The following TRIM77 variants were observed in gnomAD, a reference collection of about 807,000 sequenced individuals.
TRIM77 encodes tripartite motif-containing protein 77.
A neutral mutation model predicts 31.8 loss-of-function variants in TRIM77; 23 were observed. That is an observed-to-expected ratio of 0.72 (90% CI 0.52 to 1.02). TRIM77 has a LOEUF of 1.02. Among genes scored for constraint, TRIM77 ranks in the 50% least tolerant of loss-of-function variants. The probability of loss-of-function intolerance (pLI) is 0.00; values close to 1 mark genes in which losing one functional copy is unlikely to be tolerated. For missense variants in TRIM77, 446 were observed against 539.2 expected, an observed-to-expected ratio of 0.83 and a Z score of 1.71; for synonymous variants, 159 against 183.1, an observed-to-expected ratio of 0.87 and a Z score of 1.06.
intron 4 of TRIM77, among the ~76,000 whole-genome samples, chr11:89,715,547 T>C (rs551373401): frequency 1.3e-5 from 2 of 152,278 alleles, no homozygotes; most frequent in Admixed American, 6.5e-5. Context: ...AGGAATGTAG[T>C]ATAGAGCTGA....
At chr11:89,713,495 AATAATAAT>A (rs1949138666) in intron 2 of TRIM77, among the ~76,000 whole-genome samples, 2 of 142,700 alleles carry the variant, frequency 1.4e-5, no homozygotes, top group Admixed American at 1.4e-4. Flanking sequence ...TAATAATAAT[AATAATAAT>A]ATAATTGAGT....
chr11:89,713,503 T>C (rs1344535247), intron 2 of TRIM77, among the ~76,000 whole-genome samples: 1 of 132,236 alleles, frequency 7.6e-6, no homozygotes, highest in Admixed American at 7.9e-5. Context: ...ATAATAATAA[T>C]ATAATTGAGT....
At chr11:89,712,392 C>T (rs906718958) in intron 2 of TRIM77, among the ~76,000 whole-genome samples, 1 of 152,058 alleles carries the variant, frequency 6.6e-6, no homozygotes, top group African/African-American at 2.4e-5. Flanking sequence ...AAATAGATCG[C>T]TTACCCTAGG....
At chr11:89,713,802 G>A (rs1244102697) in intron 2 of TRIM77, among the ~76,000 whole-genome samples, 3 of 152,138 alleles carry the variant, frequency 2.0e-5, no homozygotes, top group Non-Finnish European at 2.9e-5. Flanking sequence ...AATTTAGAAA[G>A]ATGCAGCAAT....
At chr11:89,712,043 CT>C (rs1949126247) in intron 2 of TRIM77, among the ~76,000 whole-genome samples, 1 of 152,116 alleles carries the variant, frequency 6.6e-6, no homozygotes, top group Admixed American at 6.5e-5. Flanking sequence ...TATAAATGTA[CT>C]TATGGCCAGG....
Position 89,711,442 on chromosome 11 carries a change from GA to G in TRIM77, c.453del (p.Lys151AsnfsTer8), listed in dbSNP as rs553410308. On this transcript the variant is annotated frameshift_variant, in exon 2 of 6. Coordinates refer to ENST00000398290, the MANE Select transcript of TRIM77 (RefSeq NM_001146162.1). LOFTEE classifies it high-confidence loss of function. ...KLLIQMKSIW[K>X]KKQKNQRNLN... ...TCCTGATTCAAATGAAGTCCATCTGGAAAAAAAAACAGAAAAATCAAAGAAA... is the reference window on the plus strand; with the variant it reads ...TCCTGATTCAAATGAAGTCCATCTGGAAAAAAAACAGAAAAATCAAAGAAA... 4.5e-5 allele frequency: 64 copies of G among 1,424,642 alleles called. 1 individual carries two copies. The highest frequency in any genetic ancestry group is 1.8e-4 in the Middle Eastern group (1 of 5,580). 88.3% of individuals were successfully genotyped at this position (1,424,642 alleles called of 1,614,324 possible).
chr11:89,714,440 T>A lies in TRIM77; in HGVS notation c.738+18T>A, dbSNP rs1309699816. On this transcript the variant is annotated intron_variant, in intron 3 of 5. Coordinates refer to ENST00000398290, the MANE Select transcript of TRIM77 (RefSeq NM_001146162.1). ...TGCCTCAGGTAAAAACTGAAGGAGATCAGGGTGCTGAACACCACCCTGCTT... is the reference window on the plus strand; with the variant it reads ...TGCCTCAGGTAAAAACTGAAGGAGAACAGGGTGCTGAACACCACCCTGCTT... 3.3e-6 allele frequency: 5 copies of A among 1,521,726 alleles called. No homozygotes were observed. Among genetic ancestry groups the A allele is most frequent in the Non-Finnish European group, 4.5e-6 (5 of 1,122,166 alleles). 94.3% of individuals were successfully genotyped at this position (1,521,726 alleles called of 1,614,324 possible). A position where few individuals can be genotyped will look rare whatever the true frequency, so the allele number is the denominator to read the frequency against.
chr11:89,715,577 G>A (rs2134547174), intron 4 of TRIM77, among the ~76,000 whole-genome samples: 1 of 152,146 alleles, frequency 6.6e-6, no homozygotes. Context: ...TGTAGCAGGT[G>A]GCATGTTCCA....
Position 89,715,026 on chromosome 11 carries a change from C to A in TRIM77, c.739-132C>A, listed in dbSNP as rs1021807806. On this transcript the variant is annotated intron_variant, in intron 3 of 5. Coordinates refer to ENST00000398290, the MANE Select transcript of TRIM77 (RefSeq NM_001146162.1). ...ATAAAGAAAAAGAAAATGAAAAATGCCTTTATCCAAAGAAGGAAAGTGGAA... is the reference window on the plus strand; with the variant it reads ...ATAAAGAAAAAGAAAATGAAAAATGACTTTATCCAAAGAAGGAAAGTGGAA... 7.8e-6 allele frequency: 6 copies of A among 770,116 alleles called. No individual in the cohort carries two copies. The African/African-American group carries it at 8.8e-5, about 11-fold the overall frequency. 47.7% of individuals were successfully genotyped at this position (770,116 alleles called of 1,614,324 possible).
At chr11:89,710,730 G>C in intron 1 of TRIM77, 21 bp downstream of exon 1, 1 of 1,491,996 alleles carries the variant, frequency 6.7e-7, no homozygotes, top group Non-Finnish European at 9.0e-7. Flanking sequence ...GCTACTGATT[G>C]CACTTTGAAA....
chr11:89,717,264 TTTTG>T (rs1334574836), intron 5 of TRIM77, 111 bp from the exon 6 acceptor site: 6 of 1,010,354 alleles, frequency 5.9e-6, no homozygotes, highest in Admixed American at 3.0e-5. Flanking sequence ...AACCAGTTGC[TTTTG>T]TTTGTTTGTT....
chr11:89,713,155 C>T (rs1334096428), intron 2 of TRIM77, among the ~76,000 whole-genome samples: 1 of 151,316 alleles, frequency 6.6e-6, no homozygotes. Flanking sequence ...GCCTGTAGTC[C>T]CAGCTACTTA....
chr11:89,714,144 A>C, intron 2 of TRIM77, 48 bp from the exon 3 acceptor site: 1 of 1,300,316 alleles, frequency 7.7e-7, no homozygotes, highest in Middle Eastern at 1.9e-4. Context: ...ATAAGGAAAG[A>C]ATAAAACCAC....
Position 89,717,678 on chromosome 11 carries a change from T to G in TRIM77, c.1159T>G (p.Phe387Val), listed in dbSNP as rs1216863649. Reference sequence around the variant, plus strand: ...CCTGTGTCTCAAAGTGGATGACCATTTCAGTCTCTTCTCTACCTCCCCACT... The same window carrying G: ...CCTGTGTCTCAAAGTGGATGACCATGTCAGTCTCTTCTCTACCTCCCCACT... ...LLLCLKVDDHFSLFSTSPLLP... is the reference protein window; with the variant it reads ...LLLCLKVDDHVSLFSTSPLLP... The change falls in exon 6 of 6, where the codon TTC becomes GTC. Residue 387 changes from phenylalanine (F) to valine (V), a missense_variant. Physicochemically the swap from Phe to Val is conservative, Grantham distance 50 (BLOSUM62 -1). This residue lies in a region of TRIM77 where 366 missense variants were observed against 447.9 expected (regional missense o/e 0.82). Coordinates refer to ENST00000398290, the MANE Select transcript of TRIM77 (RefSeq NM_001146162.1). The G allele has an allele frequency of 1.3e-6, 2 of 1,551,292 alleles. No individual in the cohort carries two copies. The highest frequency in any genetic ancestry group is 1.7e-6 in the Non-Finnish European group (2 of 1,146,718).
intron 1 of TRIM77, 69 bp downstream of exon 1, chr11:89,710,778 ATATACT>A (rs112731825): frequency 4.9e-6 from 6 of 1,216,032 alleles, no homozygotes; most frequent in Admixed American, 5.7e-5. Flanking sequence ...ATACGGAAAG[ATATACT>A]TATCATTATT....
chr11:89,715,801 T>C (rs1369229303), intron 4 of TRIM77, 89 bp from the exon 5 acceptor site: 1 of 780,124 alleles, frequency 1.3e-6, no homozygotes, highest in Non-Finnish European at 2.1e-6. Flanking sequence ...TTCAACCTAA[T>C]TGTGAGGATT....
chr11:89,711,721 ATCTACCAAT>A (rs1949123865), intron 2 of TRIM77, among the ~76,000 whole-genome samples: 3 of 152,210 alleles, frequency 2.0e-5, no homozygotes, highest in African/African-American at 7.2e-5. Flanking sequence ...ATAAAGCAGT[ATCTACCAAT>A]AATACATCAG....
rs751047393 is a variant in TRIM77, at chr11:89,717,510, T to C, written c.991T>C (p.Trp331Arg). Residue 331 changes from tryptophan to arginine, a missense_variant, in exon 6 of 6, where the codon TGG (tryptophan) becomes CGG (arginine). Around this residue, in one of 3 missense-constraint regions of TRIM77, gnomAD observed 366 missense variants for 447.9 expected, o/e 0.82. Transcript: ENST00000398290. ...NPTSTQYTSSWGAQILSSGKH... is the reference protein window; with the variant it reads ...NPTSTQYTSSRGAQILSSGKH... ...AACAAGTACACAGTATACTTCTTCA[T>C]GGGGAGCTCAGATCCTCAGCTCTGG... 2.8e-5 allele frequency: 43 copies of C among 1,551,540 alleles called. No individual in the cohort carries two copies. In the South Asian group the frequency reaches 5.1e-4, roughly 18 times the overall value.
intron 1 of TRIM77, 45 bp from the exon 2 acceptor site, chr11:89,711,365 T>A: frequency 1.0e-6 from 1 of 1,001,492 alleles, no homozygotes; most frequent in Non-Finnish European, 1.5e-6. Context: ...TGAAATATAC[T>A]ATATTTTCTT....
Sources: allele counts gnomAD v4.1 joint callset (sites outside exome capture counted in the v4.1 genomes callset), GRCh38; gene constraint gnomAD v4.1.1; regional missense constraint gnomAD v4.1.1; transcripts MANE v1.5; gene names NCBI Gene and HGNC (gene_info 2026-07-23, HGNC 2026-07-21).